The following TDRD9 variants were observed in gnomAD, a reference collection of about 807,000 sequenced individuals.
TDRD9 encodes tudor domain containing 9.
A neutral mutation model predicts 172.6 loss-of-function variants in TDRD9; 124 were observed. The observed-to-expected ratio is 0.72, with a 90% confidence interval of 0.62 to 0.83. TDRD9 has a LOEUF of 0.83. Ranked by LOEUF, TDRD9 falls within the 40% of genes least tolerant of loss-of-function variation. The pLI, the probability that TDRD9 is intolerant of heterozygous loss-of-function variation, is 0.00. For synonymous variants in TDRD9, 619 were observed against 617.1 expected, an observed-to-expected ratio of 1.00 and a Z score of -0.05; for missense variants, 1,479 against 1,714.1, an observed-to-expected ratio of 0.86 and a Z score of 2.42.
chr14:104,036,847 G>C (rs539006758), intron 32 of TDRD9, among the ~76,000 whole-genome samples: 2 of 152,324 alleles, frequency 1.3e-5, no homozygotes, highest in East Asian at 3.9e-4. Context: ...GTGTGCGTAA[G>C]ACTAGTTGTC....
Position 104,035,178 on chromosome 14 carries a change from C to T in TDRD9, c.3716+122C>T, listed in dbSNP as rs1364951653. On this transcript the variant is annotated intron_variant, in intron 32 of 35. Coordinates refer to ENST00000409874, the MANE Select transcript of TDRD9 (RefSeq NM_153046.3). ...TATGGAAGCTAGCCATGGCACGTCT[C>T]GCTGCTTGGGGTGAAGCCTGTATTG... 1.4e-5 allele frequency: 10 copies of T among 700,728 alleles called. 1 individual carries two copies. Among genetic ancestry groups the T allele is most frequent in the African/African-American group, 1.1e-4 (6 of 55,720 alleles). 43.4% of individuals were successfully genotyped at this position (700,728 alleles called of 1,614,324 possible). A position where few individuals can be genotyped will look rare whatever the true frequency, so the allele number is the denominator to read the frequency against.
chr14:103,938,380 ATATGTGTGTG>A (rs1483965820), intron 1 of TDRD9, among the ~76,000 whole-genome samples: 3 of 37,242 alleles, frequency 8.1e-5, no homozygotes, highest in Non-Finnish European at 1.9e-4. Flanking sequence ...TGTGCCCCAT[ATATGTGTGTG>A]TGTGTGTGTG....
intron 15 of TDRD9, among the ~76,000 whole-genome samples, chr14:104,005,773 C>T (rs1054677332): frequency 1.3e-5 from 2 of 152,110 alleles, no homozygotes; most frequent in Non-Finnish European, 2.9e-5. Flanking sequence ...TGCTTCTGAC[C>T]TTCGAAGTTG....
At chr14:103,991,859 G>C (rs1244736375) in intron 9 of TDRD9, among the ~76,000 whole-genome samples, 1 of 151,886 alleles carries the variant, frequency 6.6e-6, no homozygotes, top group Non-Finnish European at 1.5e-5. Context: ...CTGGGTTCAA[G>C]TGATTCTCCT....
chr14:103,994,635 C>T, intron 11 of TDRD9, 32 bp downstream of exon 11: 1 of 1,575,546 alleles, frequency 6.3e-7, no homozygotes, highest in Non-Finnish European at 8.7e-7. Flanking sequence ...GTTCTAAGCA[C>T]TTTAGGTAAA....
chr14:103,952,730 T>TC (rs34336477), intron 1 of TDRD9, among the ~76,000 whole-genome samples: 1,054 of 7,798 alleles, frequency 0.14, 21 homozygotes, highest in African/African-American at 0.17. Context: ...ATTCTCTCTC[T>TC]TTTTTTTTTT....
chr14:103,947,517 A>G lies in TDRD9; in HGVS notation c.216-8147A>G, dbSNP rs181542711. Among the ~76,000 whole-genome samples, 69 of 151,908 alleles carry G rather than the reference A, an allele frequency of 4.5e-4. 1 individual carries two copies. In the East Asian group the frequency reaches 0.013, roughly 29 times the overall value. ...TAATTTTTTTGTATTTTTAGTAGAGATGGGGTTTCACCGTGTTTGCCAGAT... is the reference window on the plus strand; with the variant it reads ...TAATTTTTTTGTATTTTTAGTAGAGGTGGGGTTTCACCGTGTTTGCCAGAT... On this transcript the variant is annotated intron_variant, in intron 1 of 35. Coordinates refer to ENST00000409874, the MANE Select transcript of TDRD9 (RefSeq NM_153046.3).
rs2034099857 is a variant in TDRD9, at chr14:103,997,525, G to T, written c.1379-1099G>T. 6.6e-6 allele frequency among the ~76,000 whole-genome samples: 1 copy of T among 152,234 alleles called. No individual in the cohort carries two copies. Among genetic ancestry groups the T allele is most frequent in the Non-Finnish European group, 1.5e-5 (1 of 68,044 alleles). On this transcript the variant is annotated intron_variant, in intron 12 of 35. Coordinates refer to ENST00000409874, the MANE Select transcript of TDRD9 (RefSeq NM_153046.3). This position sits in a 1 kb window ranked among gnomAD's most constrained non-coding sequence, Gnocchi z 5.1. Reference sequence around the variant, plus strand: ...AGACGTGCTAGATGTTCAGGTGGAGGTGTCATGGAAGCATCTGGCTGTGTG... The same window carrying T: ...AGACGTGCTAGATGTTCAGGTGGAGTTGTCATGGAAGCATCTGGCTGTGTG...
chr14:104,034,484 C>T (rs1268136901), intron 31 of TDRD9, among the ~76,000 whole-genome samples: 1 of 152,192 alleles, frequency 6.6e-6, no homozygotes, highest in Non-Finnish European at 1.5e-5. Flanking sequence ...GCCACCGCGC[C>T]CAGCTTACGT....
chr14:104,034,043 C>T lies in TDRD9; in HGVS notation c.3593C>T (p.Ala1198Val), dbSNP rs1267193682. 6.5e-7 allele frequency: 1 copy of T among 1,549,650 alleles called. No homozygotes were observed. The highest frequency in any genetic ancestry group is 1.4e-5 in the African/African-American group (1 of 72,940). Residue 1198 changes from alanine to valine, a missense_variant, in exon 31 of 36, where the codon GCA becomes GTA. By Grantham distance (64) the Ala-to-Val change is moderately conservative. Around this residue, in one of 3 missense-constraint regions of TDRD9, gnomAD observed 1,413 missense variants for 1,649.1 expected, o/e 0.86. Transcript: ENST00000409874. The stretch of plus-strand genomic sequence containing the variant: ...GACCTTCACCAGAGAATGCTGGTTG[C>T]AGCTTCCCTTTCCATCAATGCGACT... ...PEDLHQRMLV[A>V]ASLSINATGS... is the part of the protein sequence containing the mutation.
chr14:104,018,508 G>A (rs758140374), intron 23 of TDRD9, among the ~76,000 whole-genome samples: 5 of 152,184 alleles, frequency 3.3e-5, no homozygotes, highest in African/African-American at 1.2e-4. Flanking sequence ...GCACTGGTCT[G>A]AGATTTTCTC....
Position 103,991,053 on chromosome 14 carries a change from ACCTGTAAGAG to A in TDRD9, c.1116-103_1116-94del, listed in dbSNP as rs1313067576. The A allele has an allele frequency of 1.2e-5, 15 of 1,267,880 alleles. No individual in the cohort carries two copies. In the African/African-American group the frequency reaches 1.8e-4, roughly 15 times the overall value. The allele number at this position is 1,267,880 out of a possible 1,614,324, so 78.5% of individuals were successfully genotyped here. The stretch of plus-strand genomic sequence containing the variant: ...AAAATAAGGAACATTACATTGGATG[ACCTGTAAGAG>A]CCTTTCAGGATTAAAAGCCTGTAAT... On this transcript the variant is annotated intron_variant, in intron 8 of 35. Transcript: ENST00000409874.
intron 1 of TDRD9, chr14:103,941,787 C>T (rs1044014515): frequency 5.8e-5 from 59 of 1,010,258 alleles, no homozygotes; most frequent in Middle Eastern, 2.6e-4. Flanking sequence ...TAAATTTGCC[C>T]GAAAAGTGCA....
intron 9 of TDRD9, among the ~76,000 whole-genome samples, chr14:103,993,125 A>G (rs949691942): frequency 5.1e-5 from 7 of 136,406 alleles, no homozygotes; most frequent in Non-Finnish European, 1.1e-4. Context: ...ATGCACCCCC[A>G]TGCCTGGCCA....
At chr14:103,956,556 C>T (rs1461196599) in intron 2 of TDRD9, among the ~76,000 whole-genome samples, 1 of 152,128 alleles carries the variant, frequency 6.6e-6, no homozygotes, top group African/African-American at 2.4e-5. Context: ...GCAAGAGAAT[C>T]GCTTGAACTG....
chr14:103,954,169 A>G (rs7154082), intron 1 of TDRD9, among the ~76,000 whole-genome samples: 77,879 of 152,066 alleles, frequency 0.51, 21,023 homozygotes, highest in South Asian at 0.62. Flanking sequence ...ATGTTTATCT[A>G]TTGGCATGAA....
At chr14:104,006,114 A>G (rs978196604) in intron 15 of TDRD9, among the ~76,000 whole-genome samples, 4 of 152,208 alleles carry the variant, frequency 2.6e-5, no homozygotes, top group African/African-American at 4.8e-5. Context: ...TGTGCATGCC[A>G]TATTTGTTCA....
chr14:103,941,519 C>T, intron 1 of TDRD9: 1 of 1,535,224 alleles, frequency 6.5e-7, no homozygotes, highest in Non-Finnish European at 8.7e-7. Flanking sequence ...AGTTGTAATC[C>T]ACACCTGTTT....
chr14:103,946,394 G>C (rs1011263018), intron 1 of TDRD9, among the ~76,000 whole-genome samples: 3 of 152,156 alleles, frequency 2.0e-5, no homozygotes, highest in African/African-American at 7.2e-5. Flanking sequence ...AGAAATAGAA[G>C]GAAACTACTA....
Sources: gnomAD v4.1 joint callset for allele counts (sites outside exome capture counted in the v4.1 genomes callset) on GRCh38, gnomAD v4.1.1 for gene constraint, gnomAD v4.1.1 regional missense constraint, Gnocchi (gnomAD v3.1) non-coding constraint, MANE v1.5 for transcripts, NCBI Gene and HGNC (gene_info 2026-07-23, HGNC 2026-07-21) for gene names.